The following PLA2G4E variants were observed in gnomAD, a reference collection of about 807,000 sequenced individuals.
The protein encoded by PLA2G4E is phospholipase A2 group IVE, also known as cytosolic phospholipase A2 epsilon.
In PLA2G4E, 84 loss-of-function variants were observed where a neutral mutation model predicts 109.1. The ratio of observed to expected loss-of-function variants is 0.77; its 90% confidence interval spans 0.65 to 0.92. PLA2G4E has a LOEUF of 0.92. Among genes scored for constraint, PLA2G4E ranks in the 40% least tolerant of loss-of-function variants. The pLI, the probability that PLA2G4E is intolerant of heterozygous loss-of-function variation, is 0.00. For missense variants in PLA2G4E, 1,057 were observed against 1,076.6 expected, an observed-to-expected ratio of 0.98 and a Z score of 0.25; for synonymous variants, 469 against 436.1, an observed-to-expected ratio of 1.08 and a Z score of -0.94.
At chr15:42,023,428 T>C (rs1001187558) in intron 1 of PLA2G4E, among the ~76,000 whole-genome samples, 13 of 151,754 alleles carry the variant, frequency 8.6e-5, no homozygotes, top group African/African-American at 2.7e-4. Flanking sequence ...GGGCTATTGA[T>C]GGTTTTTGAG....
chr15:42,043,278 A>AG (rs1381494523), intron 1 of PLA2G4E, among the ~76,000 whole-genome samples: 1 of 152,138 alleles, frequency 6.6e-6, no homozygotes, highest in African/African-American at 2.4e-5. Flanking sequence ...CCTAAGAGGT[A>AG]GGTGGCTCTG....
chr15:42,031,102 G>A (rs2141071132), intron 1 of PLA2G4E, among the ~76,000 whole-genome samples: 1 of 152,098 alleles, frequency 6.6e-6, no homozygotes, highest in Admixed American at 6.5e-5. Context: ...TGAGTAGCTG[G>A]GACCACAGGC....
At chr15:42,020,010 C>A (rs1025955474) in intron 1 of PLA2G4E, among the ~76,000 whole-genome samples, 1 of 152,240 alleles carries the variant, frequency 6.6e-6, no homozygotes, top group African/African-American at 2.4e-5. Context: ...CAATAGGTGG[C>A]CAGACGCCCT....
exon 13 of PLA2G4E, chr15:41,992,811 G>A (rs1803843109): frequency 4.3e-6 from 7 of 1,613,872 alleles, no homozygotes; most frequent in Non-Finnish European, 4.2e-6. Flanking sequence ...TCCTGGCTGC[G>A]CTGCCGGAGC....
intron 1 of PLA2G4E, among the ~76,000 whole-genome samples, chr15:42,021,934 G>A (rs1422696789): frequency 6.6e-6 from 1 of 152,222 alleles, no homozygotes; most frequent in African/African-American, 2.4e-5. Flanking sequence ...CTGGTTGGAG[G>A]TACCTGTGGG....
At chr15:42,002,552 G>T in intron 6 of PLA2G4E, 102 bp downstream of exon 6, 1 of 1,328,902 alleles carries the variant, frequency 7.5e-7, no homozygotes. Flanking sequence ...GGATAGGACA[G>T]AGACCAAGCT....
At chr15:41,991,288 A>G (rs2068244124) in intron 13 of PLA2G4E, among the ~76,000 whole-genome samples, 1 of 152,198 alleles carries the variant, frequency 6.6e-6, no homozygotes, top group Non-Finnish European at 1.5e-5. Flanking sequence ...GAGACTCCTG[A>G]TGTCGGAAGA....
At position 41,985,924 on chromosome 15, in the gene PLA2G4E, T is replaced by C. The variant is rs369788094; in HGVS notation, c.2117A>G (p.Asn706Ser). The C allele has an allele frequency of 1.8e-5, 29 of 1,607,470 alleles. No individual in the cohort carries two copies. Among genetic ancestry groups the C allele is most frequent in the Non-Finnish European group, 2.5e-5 (29 of 1,177,042 alleles). Reference sequence around the variant, plus strand: ...CCTGAGGAGGGGCGGGTAGCTGGAGTTGACAAAGAACGCAGTGTCCAGCAG... The same window carrying C: ...CCTGAGGAGGGGCGGGTAGCTGGAGCTGACAAAGAACGCAGTGTCCAGCAG... Residue 706 changes from asparagine to serine, a missense_variant, in exon 18 of 20, where the codon AAC becomes AGC. Asn to Ser is a conservative substitution (Grantham distance 46, BLOSUM62 1). Transcript: ENST00000399518.
chr15:42,013,576 C>CGT (rs1264030787), intron 2 of PLA2G4E, 109 bp downstream of exon 2: 9 of 1,041,964 alleles, frequency 8.6e-6, no homozygotes, highest in East Asian at 2.6e-5. Flanking sequence ...CACGTGCACA[C>CGT]GTGCGCGCGC....
At chr15:41,994,310 G>GC (rs397816125) in intron 12 of PLA2G4E, among the ~76,000 whole-genome samples, 2 of 146,404 alleles carry the variant, frequency 1.4e-5, no homozygotes, top group East Asian at 2.0e-4. Flanking sequence ...CCCCGGGGGG[G>GC]TGTGTGGCAC....
intron 1 of PLA2G4E, among the ~76,000 whole-genome samples, chr15:42,014,396 G>A (rs1423646667): frequency 7.9e-5 from 12 of 152,150 alleles, no homozygotes; most frequent in African/African-American, 2.4e-5. Context: ...CAGAATGAAC[G>A]CCCATGGCAA....
chr15:42,006,007 A>G (rs2068472329), exon 4 of PLA2G4E: 4 of 1,613,918 alleles, frequency 2.5e-6, no homozygotes, highest in Non-Finnish European at 3.4e-6. Context: ...TTGAGTGGAA[A>G]CTTCACGTGG....
chr15:42,004,108 T>G (rs1169259612), intron 5 of PLA2G4E, among the ~76,000 whole-genome samples: 1 of 152,046 alleles, frequency 6.6e-6, no homozygotes, highest in Non-Finnish European at 1.5e-5. Flanking sequence ...GTCAGGAGTT[T>G]GAGACCAACA....
intron 1 of PLA2G4E, among the ~76,000 whole-genome samples, chr15:42,032,283 T>G (rs1889126226): frequency 6.6e-6 from 1 of 152,246 alleles, no homozygotes; most frequent in Non-Finnish European, 1.5e-5. Context: ...TGGTGCTCTA[T>G]GTTTTGACTG....
At chr15:42,016,241 C>CTTTTT (rs1168452228) in intron 1 of PLA2G4E, among the ~76,000 whole-genome samples, 81 of 104,666 alleles carry the variant, frequency 7.7e-4, no homozygotes, top group Non-Finnish European at 1.0e-3. Context: ...TTTATCTTTA[C>CTTTTT]TTTTTTTTTT....
intron 1 of PLA2G4E, among the ~76,000 whole-genome samples, chr15:42,032,140 G>A (rs1158706605): frequency 1.3e-5 from 2 of 152,158 alleles, no homozygotes; most frequent in Non-Finnish European, 2.9e-5. Context: ...AGCTTCCTGA[G>A]GGCTCACCAG....
At chr15:42,005,993 C>T (rs773573243) in exon 4 of PLA2G4E, 77 of 1,613,632 alleles carry the variant, frequency 4.8e-5, no homozygotes, top group Middle Eastern at 3.3e-4. Context: ...CACCCACCTG[C>T]GGGTTGAGTG....
chr15:42,041,513 CT>C (rs1165391831), intron 1 of PLA2G4E, among the ~76,000 whole-genome samples: 4 of 152,132 alleles, frequency 2.6e-5, no homozygotes, highest in Admixed American at 6.5e-5. Flanking sequence ...GAGGTTGGGA[CT>C]CGGACTCCTC....
At chr15:41,990,362 T>C (rs978716228) in intron 13 of PLA2G4E, 127 bp from the exon 14 acceptor site, 1 of 810,918 alleles carries the variant, frequency 1.2e-6, no homozygotes, top group Non-Finnish European at 2.0e-6. Context: ...GGCTGCTGTA[T>C]CGGCCCCAGC....
Sources: allele counts gnomAD v4.1 joint callset (sites outside exome capture counted in the v4.1 genomes callset), GRCh38; gene constraint gnomAD v4.1.1; transcripts MANE v1.5; gene names NCBI Gene and HGNC (gene_info 2026-07-23, HGNC 2026-07-21).